DHRS7: variants seen among roughly 807,000 people sequenced by gnomAD.
DHRS7 encodes the protein dehydrogenase/reductase 7.
In DHRS7, 34 loss-of-function variants were observed where a neutral mutation model predicts 38.9. That is an observed-to-expected ratio of 0.87 (90% CI 0.66 to 1.16). The LOEUF (loss-of-function observed/expected upper bound fraction) is 1.16, where lower values mean the gene tolerates loss of function less well. Ranked by LOEUF, DHRS7 falls within the 50% of genes most tolerant of loss-of-function variation. DHRS7 has a pLI of 0.00. For synonymous variants in DHRS7, 158 were observed against 153.1 expected (o/e 1.03, Z -0.24); for missense variants, 421 against 407.0 (o/e 1.03, Z -0.30).
chr14:60,160,242 G>A (rs569957993), intron 1 of DHRS7, among the ~76,000 whole-genome samples: 31 of 151,660 alleles, frequency 2.0e-4, no homozygotes, highest in African/African-American at 7.2e-4. Context: ...AGGGAGAATT[G>A]CTTGAACCTC....
intron 5 of DHRS7, 98 bp from the exon 6 acceptor site, chr14:60,149,666 A>C: frequency 1.1e-6 from 1 of 889,810 alleles, no homozygotes; most frequent in Non-Finnish European, 1.7e-6. Context: ...TGGTTCCTTT[A>C]GTGGAGCTTC....
intron 2 of DHRS7, chr14:60,155,740 A>T: frequency 1.4e-5 from 4 of 281,944 alleles, no homozygotes; most frequent in Middle Eastern, 9.7e-4. Context: ...TGGTCACTAA[A>T]AATCCACCAG....
chr14:60,159,407 A>T (rs756956506), intron 1 of DHRS7: 26 of 240,670 alleles, frequency 1.1e-4, no homozygotes, highest in Non-Finnish European at 1.9e-4. Context: ...AAGTGATAGT[A>T]CCTTTGTTTG....
Position 60,153,926 on chromosome 14 carries a change from AG to A in DHRS7, c.393+32del. 1 of 1,588,002 alleles carries A rather than the reference AG, an allele frequency of 6.3e-7. No homozygotes were observed. Among genetic ancestry groups the A allele is most frequent in the Non-Finnish European group, 8.6e-7 (1 of 1,156,502 alleles). Reference sequence around the variant, plus strand: ...GGAATCTCTTCTGCAGTTACTTCAAAGCAAGACTATATCAATATAAGATGCT... The same window carrying A: ...GGAATCTCTTCTGCAGTTACTTCAAACAAGACTATATCAATATAAGATGCT... On this transcript the variant is annotated intron_variant, in intron 3 of 6. Transcript: ENST00000557185. The surrounding 1 kb of genome is among the most constrained non-coding windows in gnomAD (Gnocchi z 4.4).
intron 6 of DHRS7, chr14:60,147,820 T>C (rs1896446197): frequency 6.6e-6 from 1 of 152,232 alleles, no homozygotes; most frequent in Non-Finnish European, 1.5e-5. Flanking sequence ...CTGCATGCTC[T>C]GCCAGGAGGC....
chr14:60,168,989 C>T (rs572017546), upstream of DHRS7: 10 of 365,984 alleles, frequency 2.7e-5, no homozygotes, highest in East Asian at 1.9e-4. Flanking sequence ...TACATTGCAC[C>T]GAGGCTGAAG....
At chr14:60,157,458 G>A (rs562977118) in intron 1 of DHRS7, among the ~76,000 whole-genome samples, 15 of 152,272 alleles carry the variant, frequency 9.9e-5, no homozygotes, top group Non-Finnish European at 1.5e-4. Context: ...ACTTAATAAC[G>A]TATGTCTCCT....
At chr14:60,149,967 T>A in intron 5 of DHRS7, 98 bp downstream of exon 5, 1 of 1,319,358 alleles carries the variant, frequency 7.6e-7, no homozygotes, top group Non-Finnish European at 1.0e-6. Flanking sequence ...AAAGCACTTC[T>A]AAGGCAAAAA....
At chr14:60,164,283 A>G (rs1372306141) in intron 1 of DHRS7, among the ~76,000 whole-genome samples, 1 of 125,360 alleles carries the variant, frequency 8.0e-6, no homozygotes, top group African/African-American at 3.1e-5. Context: ...AACATAGTCT[A>G]TCTTTCGAGC....
upstream of DHRS7, chr14:60,168,919 T>G (rs1368520303): frequency 1.3e-6 from 1 of 787,448 alleles, no homozygotes; most frequent in Non-Finnish European, 1.8e-6. Context: ...ACTAACCCAT[T>G]GAAGTTTTGG....
At chr14:60,149,181 CAGGT>C in intron 6 of DHRS7, 168 bp downstream of exon 6, 1 of 621,988 alleles carries the variant, frequency 1.6e-6, no homozygotes, top group Non-Finnish European at 2.9e-6. Flanking sequence ...CTATGTTGGC[CAGGT>C]TGGTCTTGAA....
chr14:60,154,036 G>T lies in DHRS7; in HGVS notation c.316C>A (p.Leu106Ile). ...TCGGTCAGGTCAAGGGGCAAAACAA[G>T]TATATCTTTTTCTTTTAAATTGCCA... Reference protein sequence around the residue: ...ENGNLKEKDILVLPLDLTDTG... With the variant: ...ENGNLKEKDIIVLPLDLTDTG... The change falls in exon 3 of 7, where the codon CTT becomes ATT. Residue 106 changes from leucine to isoleucine, a missense_variant. By Grantham distance (5) the Leu-to-Ile change is conservative (BLOSUM62 2). Transcript: ENST00000557185. 6.2e-7 allele frequency: 1 copy of T among 1,613,904 alleles called. No individual in the cohort carries two copies. The highest frequency in any genetic ancestry group is 8.5e-7 in the Non-Finnish European group (1 of 1,179,862).
chr14:60,151,464 A>AC (rs942180462), intron 4 of DHRS7, among the ~76,000 whole-genome samples: 2 of 151,152 alleles, frequency 1.3e-5, no homozygotes, highest in African/African-American at 4.9e-5. Flanking sequence ...TGAAATGCTG[A>AC]CCCCAACAAA....
chr14:60,169,532 C>T (rs1192903577), upstream of DHRS7, among the ~76,000 whole-genome samples: 1 of 152,210 alleles, frequency 6.6e-6, no homozygotes, highest in African/African-American at 2.4e-5. Context: ...AGGTATACAA[C>T]TTGATGAGTT....
Position 60,145,054 on chromosome 14 carries a change from T to C in DHRS7, c.973-41A>G, listed in dbSNP as rs1319533850. The C allele has an allele frequency of 7.3e-7, 1 of 1,368,702 alleles. No individual in the cohort carries two copies. Among genetic ancestry groups the C allele is most frequent in the Non-Finnish European group, 9.8e-7 (1 of 1,023,360 alleles). 84.8% of individuals were successfully genotyped at this position (1,368,702 alleles called of 1,614,324 possible). On this transcript the variant is annotated intron_variant, in intron 6 of 6. Transcript: ENST00000557185. The surrounding 1 kb of genome is among the most constrained non-coding windows in gnomAD (Gnocchi z 4.0). ...AGAAACATGGATCAGTACCTACTCC[T>C]ATTTACTCCAGTTTTTAACATTTAA...
rs1896469489 is a variant in DHRS7, at chr14:60,148,907, TA to T, written c.972+445del. On this transcript the variant is annotated intron_variant, in intron 6 of 6. Transcript: ENST00000557185. The surrounding 1 kb of genome is among the most constrained non-coding windows in gnomAD (Gnocchi z 4.8). ...AGTAATAATTTATAGTAAACCAAAA[TA>T]TATGCATGGGGATAAAATATTTTTT... 6.4e-6 allele frequency: 1 copy of T among 156,572 alleles called. No individual in the cohort carries two copies. The allele number at this position is 156,572 out of a possible 1,614,324, so 9.7% of individuals were successfully genotyped here. A position where few individuals can be genotyped will look rare whatever the true frequency, so the allele number is the denominator to read the frequency against.
chr14:60,149,445 C>T lies in DHRS7; in HGVS notation c.880G>A (p.Val294Ile). The change falls in exon 6 of 7, where the codon GTA becomes ATA. Residue 294 changes from valine to isoleucine, a missense_variant. Coordinates refer to ENST00000557185, the MANE Select transcript of DHRS7 (RefSeq NM_016029.4). ...VWISEQPFLL[V>I]TYLWQYMPTW... ...GGCATGTATTGCCACAAATATGTTA[C>T]TAACAAGAAAGGTTGTTCTGAGATC... is the stretch of plus-strand genomic sequence containing the variant. The T allele has an allele frequency of 6.2e-7, 1 of 1,614,162 alleles. No individual in the cohort carries two copies. The highest frequency in any genetic ancestry group is 8.5e-7 in the Non-Finnish European group (1 of 1,180,022).
At chr14:60,156,649 C>T (rs1595197076) in intron 1 of DHRS7, among the ~76,000 whole-genome samples, 1 of 152,154 alleles carries the variant, frequency 6.6e-6, no homozygotes, top group East Asian at 1.9e-4. Flanking sequence ...GATGAAGAAT[C>T]TAAATATACC....
chr14:60,150,160 G>C lies in DHRS7; in HGVS notation c.661C>G (p.Leu221Val). The part of the protein sequence containing the change: ...RGFFNGLRTE[L>V]ATYPGIIVSN... Reference sequence around the variant, plus strand: ...ACTATTATACCTGGGTATGTGGCAAGTTCTGTTCGAAGGCCATTAAAAAAA... The same window carrying C: ...ACTATTATACCTGGGTATGTGGCAACTTCTGTTCGAAGGCCATTAAAAAAA... The change falls in exon 5 of 7, where the codon CTT becomes GTT. Residue 221 changes from leucine (L) to valine (V), a missense_variant. Physicochemically the swap from Leu to Val is conservative, Grantham distance 32. Coordinates refer to ENST00000557185, the MANE Select transcript of DHRS7 (RefSeq NM_016029.4). 2 of 1,492,644 alleles carry C rather than the reference G, an allele frequency of 1.3e-6. No individual in the cohort carries two copies. The highest frequency in any genetic ancestry group is 1.8e-6 in the Non-Finnish European group (2 of 1,112,180). 92.5% of individuals were successfully genotyped at this position (1,492,644 alleles called of 1,614,324 possible).
Sources: allele counts gnomAD v4.1 joint callset (sites outside exome capture counted in the v4.1 genomes callset), GRCh38; gene constraint gnomAD v4.1.1; non-coding constraint Gnocchi (gnomAD v3.1); transcripts MANE v1.5; gene names NCBI Gene and HGNC (gene_info 2026-07-23, HGNC 2026-07-21).